Variants in PCP4 observed in about 807,000 individuals in gnomAD.
The protein encoded by PCP4 is calmodulin regulator protein PCP4.
A neutral mutation model predicts 10.0 loss-of-function variants in PCP4; 8 were observed. That is an observed-to-expected ratio of 0.80 (90% CI 0.47 to 1.45). The LOEUF (loss-of-function observed/expected upper bound fraction) is 1.45, where lower values mean the gene tolerates loss of function less well. Ranked by LOEUF, PCP4 falls within the 40% of genes most tolerant of loss-of-function variation. PCP4 has a pLI of 0.00. For missense variants in PCP4, 54 were observed against 74.4 expected (o/e 0.73, Z 1.01); for synonymous variants, 21 against 23.0 (o/e 0.91, Z 0.24).
chr21:39,898,400 C>T, intron 1 of PCP4, 76 bp from the exon 2 acceptor site: 2 of 1,167,564 alleles, frequency 1.7e-6, no homozygotes, highest in Non-Finnish European at 2.6e-6. Flanking sequence ...GAGATGTTTG[C>T]AACAATAAAA....
intron 2 of PCP4, among the ~76,000 whole-genome samples, chr21:39,901,750 T>C (rs929826197): frequency 6.6e-6 from 1 of 152,226 alleles, no homozygotes; most frequent in Non-Finnish European, 1.5e-5. Context: ...TACTGGATAA[T>C]GGCAATGTAT....
chr21:39,889,201 T>C (rs1215425641), intron 1 of PCP4, among the ~76,000 whole-genome samples: 1 of 152,070 alleles, frequency 6.6e-6, no homozygotes, highest in Non-Finnish European at 1.5e-5. Context: ...AATAAAGCTC[T>C]TACGAATATT....
rs145175737 is a variant in PCP4, at chr21:39,884,831, T to C, written c.10-13645T>C. 9.1e-4 allele frequency among the ~76,000 whole-genome samples: 133 copies of C among 146,606 alleles called. 1 individual carries two copies. Among genetic ancestry groups the C allele is most frequent in the Admixed American group, 4.2e-3 (63 of 14,954 alleles). ...GAGAGAGAGAGAGAGAGACAGAGAT[T>C]ATTCTATCACCTGAAAAGTTTATTT... On this transcript the variant is annotated intron_variant, in intron 1 of 2. Coordinates refer to ENST00000328619, the MANE Select transcript of PCP4 (RefSeq NM_006198.3).
intron 1 of PCP4, among the ~76,000 whole-genome samples, chr21:39,895,870 TC>T (rs905544892): frequency 6.6e-6 from 1 of 152,122 alleles, no homozygotes; most frequent in African/African-American, 2.4e-5. Context: ...CTTGGAGAAT[TC>T]CCCCTCTGCC....
chr21:39,929,044 G>A lies in PCP4; in HGVS notation c.122G>A (p.Arg41His), dbSNP rs373116719. 32 of 1,613,400 alleles carry A rather than the reference G, an allele frequency of 2.0e-5. No homozygotes were observed. The highest frequency in any genetic ancestry group is 2.7e-5 in the African/African-American group (2 of 74,832). Residue 41 changes from arginine to histidine, a missense_variant, in exon 3 of 3, where the codon CGT becomes CAT. Coordinates refer to ENST00000328619, the MANE Select transcript of PCP4 (RefSeq NM_006198.3). ...GACATGGATGCACCAGAGACAGAAC[G>A]TGCAGCGGTGGCCATTCAGTCTCAG... is the stretch of plus-strand genomic sequence containing the variant. ...DIDMDAPETE[R>H]AAVAIQSQFR...
intron 1 of PCP4, among the ~76,000 whole-genome samples, chr21:39,883,954 G>A (rs1274705541): frequency 6.6e-6 from 1 of 152,138 alleles, no homozygotes; most frequent in Non-Finnish European, 1.5e-5. Flanking sequence ...TTAATGAGGT[G>A]GGTATATTGT....
intron 2 of PCP4, among the ~76,000 whole-genome samples, chr21:39,901,704 T>C (rs2087483068): frequency 6.6e-6 from 1 of 152,216 alleles, no homozygotes; most frequent in Admixed American, 6.5e-5. Flanking sequence ...ATAGTCACTT[T>C]TGGGTAGAAA....
intron 2 of PCP4, among the ~76,000 whole-genome samples, chr21:39,900,873 T>G (rs1275456548): frequency 6.6e-6 from 1 of 150,998 alleles, no homozygotes; most frequent in African/African-American, 2.4e-5. Flanking sequence ...TGCCATACAC[T>G]GTCTCCTATA....
rs546058022 is a variant in PCP4 at position 39,896,034 on chromosome 21, G to A, written c.10-2442G>A. Reference sequence around the variant, plus strand: ...CATAAATCACCTTCATTGTGTCTCCGTTAAATAGAACCTGACATAAAAACC... The same window carrying A: ...CATAAATCACCTTCATTGTGTCTCCATTAAATAGAACCTGACATAAAAACC... On this transcript the variant is annotated intron_variant, in intron 1 of 2. Coordinates refer to ENST00000328619, the MANE Select transcript of PCP4 (RefSeq NM_006198.3). Among the ~76,000 whole-genome samples the A allele has an allele frequency of 6.6e-4, 101 of 152,200 alleles. 6 individuals carry two copies. In the South Asian group the frequency reaches 0.017, roughly 25 times the overall value.
At chr21:39,920,956 CCA>C (rs568510428) in intron 2 of PCP4, among the ~76,000 whole-genome samples, 91 of 152,324 alleles carry the variant, frequency 6.0e-4, no homozygotes, top group African/African-American at 2.1e-3. Context: ...CTCACACTCT[CCA>C]GCGGCCTGCT....
At chr21:39,924,916 C>T (rs1175051605) in intron 2 of PCP4, among the ~76,000 whole-genome samples, 5 of 152,182 alleles carry the variant, frequency 3.3e-5, no homozygotes, top group African/African-American at 1.2e-4. Flanking sequence ...CCGCCTGGAG[C>T]TTCTCTTGTT....
chr21:39,871,324 G>A (rs964472552), intron 1 of PCP4, among the ~76,000 whole-genome samples: 3 of 152,204 alleles, frequency 2.0e-5, no homozygotes, highest in Non-Finnish European at 4.4e-5. Context: ...ATGGCTTTGA[G>A]CTTCTTACAA....
rs2087463542 is a variant in PCP4 at position 39,897,699 on chromosome 21, T to C, written c.10-777T>C. On this transcript the variant is annotated intron_variant, in intron 1 of 2. Coordinates refer to ENST00000328619, the MANE Select transcript of PCP4 (RefSeq NM_006198.3). Reference sequence around the variant, plus strand: ...GTATAAACAATGGCAGAAAAAATAGTTTATAAGTAGGAGGAAACATAAGAG... The same window carrying C: ...GTATAAACAATGGCAGAAAAAATAGCTTATAAGTAGGAGGAAACATAAGAG... Among the ~76,000 whole-genome samples, 2 of 151,752 alleles carry C rather than the reference T, an allele frequency of 1.3e-5. 1 individual carries two copies. The highest frequency in any genetic ancestry group is 2.9e-5 in the Non-Finnish European group (2 of 67,942).
At position 39,928,319 on chromosome 21, in the gene PCP4, G is replaced by A. The variant is rs370905205; in HGVS notation, c.62-665G>A. Among the ~76,000 whole-genome samples the A allele has an allele frequency of 8.5e-5, 13 of 152,310 alleles. No individual in the cohort carries two copies. The East Asian group carries it at 2.1e-3, about 25-fold the overall frequency. ...CTGTGGTAAGGTATACAGCACAGAG[G>A]CCCAAGCCTTCGTTCCTCACCACCC... On this transcript the variant is annotated intron_variant, in intron 2 of 2. Coordinates refer to ENST00000328619, the MANE Select transcript of PCP4 (RefSeq NM_006198.3).
intron 1 of PCP4, among the ~76,000 whole-genome samples, chr21:39,892,206 C>T (rs1193840049): frequency 6.6e-6 from 1 of 152,236 alleles, no homozygotes; most frequent in Non-Finnish European, 1.5e-5. Flanking sequence ...CTCACAATGT[C>T]CCTTCAGCAC....
chr21:39,878,711 A>T (rs1285708039), intron 1 of PCP4, among the ~76,000 whole-genome samples: 3 of 152,180 alleles, frequency 2.0e-5, no homozygotes, highest in Admixed American at 2.0e-4. Flanking sequence ...CCTTTGTGAG[A>T]GTATCTATCC....
At chr21:39,901,552 T>C (rs974974568) in intron 2 of PCP4, among the ~76,000 whole-genome samples, 6 of 152,204 alleles carry the variant, frequency 3.9e-5, no homozygotes, top group African/African-American at 1.4e-4. Flanking sequence ...TTCAAAGACA[T>C]GGAATTTCTT....
At chr21:39,901,866 C>T (rs1033251729) in intron 2 of PCP4, among the ~76,000 whole-genome samples, 5 of 152,052 alleles carry the variant, frequency 3.3e-5, no homozygotes, top group Admixed American at 6.6e-5. Context: ...TGTGCTTTTG[C>T]CTTTAAAAAG....
intron 2 of PCP4, among the ~76,000 whole-genome samples, chr21:39,925,493 C>T (rs191943588): frequency 7.9e-5 from 12 of 152,326 alleles, no homozygotes; most frequent in Admixed American, 2.0e-4. Context: ...GACAAAGTCC[C>T]GGGCCTCACA....
Sources: allele counts gnomAD v4.1 joint callset (sites outside exome capture counted in the v4.1 genomes callset), GRCh38; gene constraint gnomAD v4.1.1; transcripts MANE v1.5; gene names NCBI Gene and HGNC (gene_info 2026-07-23, HGNC 2026-07-21).